Variants in SFTPC observed in about 807,000 individuals in gnomAD.
SFTPC encodes the protein BRICHOS domain containing 6.
SFTPC carries 12 observed loss-of-function variants against 19.9 expected under a neutral mutation model. The ratio of observed to expected loss-of-function variants is 0.60; its 90% CI spans 0.39 to 0.98. The LOEUF (loss-of-function observed/expected upper bound fraction) is 0.98, where lower values mean the gene tolerates loss of function less well. Among genes scored for constraint, SFTPC ranks in the 50% least tolerant of loss-of-function variants. SFTPC has a pLI of 0.00. For missense variants in SFTPC, 219 were observed against 252.2 expected, an observed-to-expected ratio of 0.87 and a Z score of 0.89; for synonymous variants, 123 against 103.3, an observed-to-expected ratio of 1.19 and a Z score of -1.16.
chr8:22,163,584 T>C (rs781612407), intron 4 of SFTPC, 38 bp downstream of exon 4: 1 of 1,411,698 alleles, frequency 7.1e-7, no homozygotes, highest in Non-Finnish European at 1.0e-6. Flanking sequence ...GCTGTCTCCC[T>C]CCCAGGGCTG....
chr8:22,163,286 C>A, intron 3 of SFTPC, 84 bp downstream of exon 3: 1 of 1,585,062 alleles, frequency 6.3e-7, no homozygotes, highest in Non-Finnish European at 8.7e-7. Context: ...CATCCACATC[C>A]ATCTCTCCCT....
At chr8:22,162,881 A>G in intron 2 of SFTPC, 149 bp downstream of exon 2, 1 of 1,348,918 alleles carries the variant, frequency 7.4e-7, no homozygotes, top group Non-Finnish European at 1.0e-6. Context: ...CCAGGCAGCA[A>G]CCCAGCTCAG....
chr8:22,163,226 C>G (rs756373126), intron 3 of SFTPC, 24 bp downstream of exon 3: 19 of 1,613,936 alleles, frequency 1.2e-5, no homozygotes, highest in Non-Finnish European at 1.6e-5. Context: ...GACCTCCTGA[C>G]CCTGGGACCA....
chr8:22,159,588 G>A (rs1486667960), upstream of SFTPC: 2 of 388,594 alleles, frequency 5.1e-6, no homozygotes, highest in Non-Finnish European at 1.0e-5. Context: ...AGCAGCAGCA[G>A]CAGCCGCCAC....
chr8:22,160,083 A>G (rs1333327460), upstream of SFTPC, among the ~76,000 whole-genome samples: 6 of 152,186 alleles, frequency 3.9e-5, no homozygotes, highest in Non-Finnish European at 5.9e-5. Flanking sequence ...GTCTTAGGCA[A>G]ATATTTAAAG....
Position 22,162,974 on chromosome 8 carries a change from G to GGGAAAGAGGGAAGC in SFTPC, c.202-104_202-91dup, listed in dbSNP as rs1283755696. ...TTCCACTCAGCCTCCCTGAACTCTT[G>GGGAAAGAGGGAAGC]GGAAAGAGGGAAGCGCATTTGAGTA... On this transcript the variant is annotated intron_variant, in intron 2 of 5. Transcript: ENST00000679463. The GGGAAAGAGGGAAGC allele has an allele frequency of 9.7e-5, 148 of 1,530,974 alleles. No homozygotes were observed. In the East Asian group the frequency reaches 3.3e-3, roughly 34 times the overall value. The allele number at this position is 1,530,974 out of a possible 1,614,324, so 94.8% of individuals were successfully genotyped here.
chr8:22,161,924 G>C, intron 1 of SFTPC, 54 bp downstream of exon 1: 2 of 1,556,534 alleles, frequency 1.3e-6, no homozygotes, highest in Admixed American at 3.3e-5. Flanking sequence ...TGTGTGTGAT[G>C]GGCCCTGCCT....
In SFTPC at chr8:22,164,099, T is replaced by C. The variant is rs990436328; in HGVS notation, c.*18+40T>C. 15 of 1,610,172 alleles carry C rather than the reference T, an allele frequency of 9.3e-6. No individual in the cohort carries two copies. The Admixed American group carries it at 1.8e-4, about 20-fold the overall frequency. On this transcript the variant is annotated intron_variant, in intron 5 of 5. Coordinates refer to ENST00000679463, the MANE Select transcript of SFTPC (RefSeq NM_001317778.2). The stretch of plus-strand genomic sequence containing the variant: ...CCCCTGATCAGCAGCGGAGGAGCGC[T>C]CGGGCCACCTGCCCGGGCTGTGGAG...
chr8:22,163,865 T>A lies in SFTPC; in HGVS notation c.436-36T>A. 1.9e-6 allele frequency: 3 copies of A among 1,579,542 alleles called. No homozygotes were observed. In the South Asian group the frequency reaches 3.3e-5, roughly 17 times the overall value. ...TAAGGGCTGCACATGGGATAGAAAC[T>A]CACTTCCTACATTCCAGATGGAATG... is the stretch of plus-strand genomic sequence containing the variant. On this transcript the variant is annotated intron_variant, in intron 4 of 5. Coordinates refer to ENST00000679463, the MANE Select transcript of SFTPC (RefSeq NM_001317778.2).
chr8:22,160,981 G>T (rs1827692950), upstream of SFTPC, among the ~76,000 whole-genome samples: 4 of 152,124 alleles, frequency 2.6e-5, no homozygotes, highest in Admixed American at 2.6e-4. Context: ...CTGATTCGAG[G>T]ATGGGGAGAC....
upstream of SFTPC, chr8:22,159,940 A>C (rs1827648947): frequency 1.1e-5 from 9 of 849,520 alleles, no homozygotes; most frequent in South Asian, 1.3e-4. Flanking sequence ...TGGGCACTGC[A>C]GGCGAGCTGT....
At chr8:22,162,762 C>A (rs369959086) in intron 2 of SFTPC, 30 bp downstream of exon 2, 3 of 1,613,358 alleles carry the variant, frequency 1.9e-6, no homozygotes, top group Non-Finnish European at 2.5e-6. Context: ...CAGCAGTGGG[C>A]ACAGGACATG....
At chr8:22,163,024 T>C in intron 2 of SFTPC, 56 bp from the exon 3 acceptor site, 1 of 1,610,372 alleles carries the variant, frequency 6.2e-7, no homozygotes, top group Non-Finnish European at 8.5e-7. Flanking sequence ...TGGGGATGGG[T>C]ACCACTGGCT....
upstream of SFTPC, among the ~76,000 whole-genome samples, chr8:22,158,269 C>T (rs192217724): frequency 5.2e-4 from 79 of 152,328 alleles, no homozygotes; most frequent in African/African-American, 1.8e-3. Context: ...ATGCCCCTGC[C>T]CTTTGATGTC....
intron 5 of SFTPC, 91 bp from the exon 6 acceptor site, chr8:22,164,175 C>G (rs1443651385): frequency 1.1e-5 from 17 of 1,540,244 alleles, no homozygotes; most frequent in Non-Finnish European, 1.5e-5. Flanking sequence ...CGGGGTCATC[C>G]AGGCAACTCG....
chr8:22,162,915 C>T (rs565272058), intron 2 of SFTPC, among the ~76,000 whole-genome samples, 165 bp from the exon 3 acceptor site: 71 of 152,308 alleles, frequency 4.7e-4, no homozygotes, highest in African/African-American at 1.6e-3. Flanking sequence ...GCCCCTGCCC[C>T]GCAGCAGGAC....
rs748654127 is a variant in SFTPC at position 22,164,302 on chromosome 8, G to A, written c.*55G>A. The A allele has an allele frequency of 3.9e-6, 6 of 1,536,050 alleles. No individual in the cohort carries two copies. In the South Asian group the frequency reaches 5.9e-5, roughly 15 times the overall value. On this transcript the variant is annotated 3_prime_UTR_variant, in exon 6 of 6. Coordinates refer to ENST00000679463, the MANE Select transcript of SFTPC (RefSeq NM_001317778.2). ...GCCCCAACGGGAAAGGAAACGCCCCGGGCAAAGGGTCTTTTGCAGCTTTTG... is the reference window on the plus strand; with the variant it reads ...GCCCCAACGGGAAAGGAAACGCCCCAGGCAAAGGGTCTTTTGCAGCTTTTG...
upstream of SFTPC, among the ~76,000 whole-genome samples, chr8:22,161,297 C>T (rs1827707629): frequency 6.6e-6 from 1 of 152,122 alleles, no homozygotes; most frequent in Non-Finnish European, 1.5e-5. Flanking sequence ...TATGAAACCC[C>T]GAAAACTGAT....
At chr8:22,162,355 A>G (rs1451710555) in intron 1 of SFTPC, among the ~76,000 whole-genome samples, 1 of 152,146 alleles carries the variant, frequency 6.6e-6, no homozygotes, top group East Asian at 1.9e-4. Flanking sequence ...CCTCAAAACT[A>G]GACCCTGCTT....
Sources: gnomAD v4.1 joint callset for allele counts (sites outside exome capture counted in the v4.1 genomes callset) on GRCh38, gnomAD v4.1.1 for gene constraint, MANE v1.5 for transcripts, NCBI Gene and HGNC (gene_info 2026-07-23, HGNC 2026-07-21) for gene names.